Variants in PTPRU observed in about 807,000 individuals in gnomAD.
PTPRU encodes receptor-type tyrosine-protein phosphatase U.
In PTPRU, 69 loss-of-function variants were observed where a neutral mutation model predicts 166.3. The observed-to-expected ratio is 0.41, with a 90% CI of 0.34 to 0.51. PTPRU has a LOEUF of 0.51. PTPRU is among the 20% of genes least tolerant of loss of function. The pLI is 0.09. For missense variants in PTPRU, 1,657 were observed against 2,013.7 expected (o/e 0.82, Z 3.39); for synonymous variants, 793 against 814.0 (o/e 0.97, Z 0.44).
chr1:29,297,035 T>A (rs1686915739), intron 15 of PTPRU, among the ~76,000 whole-genome samples: 1 of 151,226 alleles, frequency 6.6e-6, no homozygotes, highest in African/African-American at 2.4e-5. Context: ...TATACCATTT[T>A]ACCCTGCTTA....
At position 29,236,742 on chromosome 1, in the gene PTPRU, G is replaced by A; in HGVS notation, c.73+25G>A. The A allele has an allele frequency of 7.1e-7, 1 of 1,399,754 alleles. No individual in the cohort carries two copies. Among genetic ancestry groups the A allele is most frequent in the Non-Finnish European group, 9.3e-7 (1 of 1,080,962 alleles). The allele number at this position is 1,399,754 out of a possible 1,614,324, so 86.7% of individuals were successfully genotyped here. On this transcript the variant is annotated intron_variant, in intron 1 of 29. Transcript: ENST00000373779. The surrounding 1 kb of genome is among the most constrained non-coding windows in gnomAD (Gnocchi z 4.6). ...GGTAAGCGCGCGGCGGCCGGACCGA[G>A]CCTGCCCCGCCGAGCCTCGGGGCCC...
chr1:29,259,847 C>T lies in PTPRU; in HGVS notation c.676-23C>T, dbSNP rs373815012. 5.6e-4 allele frequency: 856 copies of T among 1,521,556 alleles called. 4 individuals carry two copies. In the Middle Eastern group the frequency reaches 0.01, roughly 18 times the overall value. The allele number at this position is 1,521,556 out of a possible 1,614,324, so 94.3% of individuals were successfully genotyped here. A position where few individuals can be genotyped will look rare whatever the true frequency, so the allele number is the denominator to read the frequency against. On this transcript the variant is annotated intron_variant, in intron 5 of 29. Coordinates refer to ENST00000373779, the MANE Select transcript of PTPRU (RefSeq NM_133178.4). The stretch of plus-strand genomic sequence containing the variant: ...ACCCCTCGCTCCGAGGCGCCCCTGA[C>T]CCCCTCACTCTCTTCCCTGCAGCGG...
At position 29,319,370 on chromosome 1, in the gene PTPRU, G is replaced by A. The variant is rs140281873; in HGVS notation, c.3688-1315G>A. Among the ~76,000 whole-genome samples, 645 of 152,304 alleles carry A rather than the reference G, an allele frequency of 4.2e-3. 1 individual carries two copies. The highest frequency in any genetic ancestry group is 7.6e-3 in the Non-Finnish European group (516 of 68,028). ...CTGGCCCTGATGGGTGGGTTATCAC[G>A]TGGAAAAGTTCTGAGACAGCCCTGT... On this transcript the variant is annotated intron_variant, in intron 25 of 29. Coordinates refer to ENST00000373779, the MANE Select transcript of PTPRU (RefSeq NM_133178.4).
At position 29,315,976 on chromosome 1, in the gene PTPRU, G is replaced by C; in HGVS notation, c.3364-26G>C. On this transcript the variant is annotated intron_variant, in intron 23 of 29. Transcript: ENST00000373779. This position sits in a 1 kb window ranked among gnomAD's most constrained non-coding sequence, Gnocchi z 4.5. ...ATCTCCAGCTTCTAGGCCCCTCCTC[G>C]GCCTCATTCTCATCTCCTGTTCCAG... The C allele has an allele frequency of 1.2e-6, 2 of 1,612,448 alleles. No homozygotes were observed. The highest frequency in any genetic ancestry group is 8.5e-7 in the Non-Finnish European group (1 of 1,178,982).
rs565164998 is a variant in PTPRU at position 29,238,220 on chromosome 1, T to A, written c.73+1503T>A. On this transcript the variant is annotated intron_variant, in intron 1 of 29. Transcript: ENST00000373779. The surrounding 1 kb of genome is among the most constrained non-coding windows in gnomAD (Gnocchi z 6.1). Reference sequence around the variant, plus strand: ...AATGTATGTATACGGAGCCTGTGTTTGTGTGTCCGTGTGCTCGTCGGAGTG... The same window carrying A: ...AATGTATGTATACGGAGCCTGTGTTAGTGTGTCCGTGTGCTCGTCGGAGTG... Among the ~76,000 whole-genome samples, 2 of 151,656 alleles carry A rather than the reference T, an allele frequency of 1.3e-5. No individual in the cohort carries two copies. Among genetic ancestry groups the A allele is most frequent in the Admixed American group, 6.6e-5 (1 of 15,260 alleles).
intron 7 of PTPRU, among the ~76,000 whole-genome samples, chr1:29,275,111 T>C (rs922538830): frequency 6.6e-6 from 1 of 151,468 alleles, no homozygotes; most frequent in Non-Finnish European, 1.5e-5. Context: ...TTGTCATGCA[T>C]CCTTTGTGTG....
chr1:29,313,199 C>T (rs1269735593), intron 22 of PTPRU, among the ~76,000 whole-genome samples: 2 of 152,178 alleles, frequency 1.3e-5, no homozygotes, highest in African/African-American at 2.4e-5. Flanking sequence ...CCTGGCTCCA[C>T]ATCTTTCTCT....
rs140670427 is a variant in PTPRU, at chr1:29,279,590, C to T, written c.1698C>T (p.Ser566=). 48 of 1,614,110 alleles carry T rather than the reference C, an allele frequency of 3.0e-5. No individual in the cohort carries two copies. Among genetic ancestry groups the T allele is most frequent in the African/African-American group, 4.0e-5 (3 of 75,068 alleles). The change falls in exon 10 of 30, where the codon TCC becomes TCT. Residue 566 remains serine (S), a synonymous_variant. Transcript: ENST00000373779. The surrounding 1 kb of genome is among the most constrained non-coding windows in gnomAD (Gnocchi z 5.2). ...NLHPGTTYLF[S]VRARTGKGFG... ...ACCCAGGCACCACCTACCTGTTCTC[C>T]GTGCGGGCCCGCACAGGCAAAGGCT...
rs774912513 is a variant in PTPRU, at chr1:29,275,765, C to T, written c.1453+9C>T. 2 of 1,611,572 alleles carry T rather than the reference C, an allele frequency of 1.2e-6. No individual in the cohort carries two copies. The highest frequency in any genetic ancestry group is 2.2e-5 in the South Asian group (2 of 90,952). ...CCAGACGGATGAGGATGGTAAGAGT[C>T]TCAGTCCCAATTCCCGGGGCCCTGT... On this transcript the variant is annotated intron_variant, in intron 8 of 29. Coordinates refer to ENST00000373779, the MANE Select transcript of PTPRU (RefSeq NM_133178.4).
chr1:29,245,908 T>C (rs183607731), intron 1 of PTPRU, among the ~76,000 whole-genome samples: 10 of 152,336 alleles, frequency 6.6e-5, no homozygotes, highest in East Asian at 1.9e-4. Context: ...CTACATTGCA[T>C]TGGGCACATG....
At chr1:29,284,995 T>C in intron 14 of PTPRU, 126 bp downstream of exon 14, 1 of 1,280,202 alleles carries the variant, frequency 7.8e-7, no homozygotes, top group Non-Finnish European at 1.1e-6. Context: ...GCTGCCAGCC[T>C]GGGCATCGCC....
chr1:29,245,289 G>C (rs1255583047), intron 1 of PTPRU, among the ~76,000 whole-genome samples: 1 of 152,174 alleles, frequency 6.6e-6, no homozygotes, highest in African/African-American at 2.4e-5. Flanking sequence ...TTTGCCCTTG[G>C]AGAGTCACTG....
intron 18 of PTPRU, chr1:29,305,712 G>A (rs545451672): frequency 4.4e-5 from 26 of 587,424 alleles, no homozygotes; most frequent in East Asian, 3.2e-4. Context: ...TGAGGAAGGC[G>A]GGAGGCATGG....
chr1:29,273,802 G>A (rs1396043952), intron 7 of PTPRU, among the ~76,000 whole-genome samples: 1 of 152,042 alleles, frequency 6.6e-6, no homozygotes, highest in Admixed American at 6.6e-5. Flanking sequence ...GGGGTAGCTC[G>A]CTCTCTCCTG....
In PTPRU at chr1:29,324,337, C is replaced by T. The variant is rs527818043; in HGVS notation, c.4112+549C>T. On this transcript the variant is annotated intron_variant, in intron 28 of 29. Coordinates refer to ENST00000373779, the MANE Select transcript of PTPRU (RefSeq NM_133178.4). Reference sequence around the variant, plus strand: ...AAGCTGGTGCGGAGCTGAGTCAGTCCGGGTCTGGCCCCCAGGGGTTTTGGT... The same window carrying T: ...AAGCTGGTGCGGAGCTGAGTCAGTCTGGGTCTGGCCCCCAGGGGTTTTGGT... Among the ~76,000 whole-genome samples, 260 of 152,304 alleles carry T rather than the reference C, an allele frequency of 1.7e-3. 1 individual carries two copies. The highest frequency in any genetic ancestry group is 3.2e-3 in the Non-Finnish European group (216 of 68,028).
At chr1:29,277,318 C>G (rs1685849436) in intron 8 of PTPRU, among the ~76,000 whole-genome samples, 1 of 152,094 alleles carries the variant, frequency 6.6e-6, no homozygotes, top group Non-Finnish European at 1.5e-5. Flanking sequence ...CCAGGCTGGT[C>G]TCGAACTCCT....
intron 28 of PTPRU, 147 bp from the exon 29 acceptor site, chr1:29,325,044 C>G: frequency 8.8e-7 from 1 of 1,133,308 alleles, no homozygotes; most frequent in South Asian, 1.5e-5. Context: ...CCGCCCCTCA[C>G]CTCTGGGCTC....
intron 24 of PTPRU, among the ~76,000 whole-genome samples, chr1:29,316,901 A>G (rs114346602): frequency 0.012 from 1,852 of 152,218 alleles, 33 homozygotes; most frequent in African/African-American, 0.041. Flanking sequence ...TCACCATATC[A>G]CATGGCTGAG....
chr1:29,318,995 G>T (rs963453065), intron 25 of PTPRU, among the ~76,000 whole-genome samples: 1 of 152,222 alleles, frequency 6.6e-6, no homozygotes, highest in Non-Finnish European at 1.5e-5. Flanking sequence ...ACAGTGCGGG[G>T]GACAGCGGGG....
Sources: gnomAD v4.1 joint callset for allele counts (sites outside exome capture counted in the v4.1 genomes callset) on GRCh38, gnomAD v4.1.1 for gene constraint, Gnocchi (gnomAD v3.1) non-coding constraint, MANE v1.5 for transcripts, NCBI Gene and HGNC (gene_info 2026-07-23, HGNC 2026-07-21) for gene names.